Variants in ZFP69 observed in about 807,000 individuals in gnomAD.
ZFP69 encodes zinc finger protein 69 homolog.
A neutral mutation model predicts 48.9 loss-of-function variants in ZFP69; 35 were observed. The observed-to-expected ratio is 0.72, with a 90% CI of 0.55 to 0.95. ZFP69 has a LOEUF of 0.95. Ranked by LOEUF, ZFP69 falls within the 40% of genes least tolerant of loss-of-function variation. The pLI is 0.00. For missense variants in ZFP69, 557 were observed against 638.4 expected, an observed-to-expected ratio of 0.87 and a Z score of 1.37; for synonymous variants, 193 against 216.8, an observed-to-expected ratio of 0.89 and a Z score of 0.96.
chr1:40,481,716 G>T, intron 2 of ZFP69, 47 bp from the exon 3 acceptor site: 1 of 1,466,744 alleles, frequency 6.8e-7, no homozygotes. Context: ...TTCTTTATTT[G>T]GGAGATTTGG....
intron 2 of ZFP69, 112 bp from the exon 3 acceptor site, chr1:40,481,651 C>G: frequency 1.3e-6 from 1 of 757,544 alleles, no homozygotes; most frequent in Non-Finnish European, 2.1e-6. Flanking sequence ...TCTCAGTGTC[C>G]CTCTTTGTGA....
intron 5 of ZFP69, among the ~76,000 whole-genome samples, chr1:40,493,000 C>A (rs1197991957): frequency 2.0e-5 from 3 of 152,054 alleles, no homozygotes; most frequent in Non-Finnish European, 4.4e-5. Context: ...CTGAGGCGGG[C>A]AGATCACCTG....
At chr1:40,489,361 A>G (rs1570034504) in intron 4 of ZFP69, 147 bp downstream of exon 4, 1 of 1,233,588 alleles carries the variant, frequency 8.1e-7, no homozygotes, top group South Asian at 1.5e-5. Flanking sequence ...GTGAGGGCAT[A>G]TCCAATTTGA....
At position 40,483,134 on chromosome 1, in the gene ZFP69, G is replaced by A. The variant is rs548061598; in HGVS notation, c.219+1280G>A. Among the ~76,000 whole-genome samples, 49 of 152,016 alleles carry A rather than the reference G, an allele frequency of 3.2e-4. 2 individuals are homozygous for A. The South Asian group carries it at 0.01, about 32-fold the overall frequency. ...TGGAGTGGAATACCGTTTAAAAAGG[G>A]GCATGAAGGAACGTTCTGAGATGGT... On this transcript the variant is annotated intron_variant, in intron 3 of 5. Transcript: ENST00000372706.
rs1645418771 is a variant in ZFP69, at chr1:40,479,118, CA to C, written c.-241del. ...TCTAAAGAGTATGGAGACATGAACT[CA>C]AACCTAACTAACTGGCTGCCTCCCA... On this transcript the variant is annotated 5_prime_UTR_variant, in exon 2 of 6. An upstream open reading frame in the 5' UTR gains an earlier in-frame stop. Transcript: ENST00000372706. 1 of 426,474 alleles carries C rather than the reference CA, an allele frequency of 2.3e-6. No individual in the cohort carries two copies. 26.4% of individuals were successfully genotyped at this position (426,474 alleles called of 1,614,324 possible).
chr1:40,495,717 C>G lies in ZFP69; in HGVS notation c.1239C>G (p.Cys413Trp). 6.2e-7 allele frequency: 1 copy of G among 1,614,138 alleles called. No homozygotes were observed. Among genetic ancestry groups the G allele is most frequent in the South Asian group, 1.1e-5 (1 of 91,078 alleles). Residue 413 changes from cysteine to tryptophan, a missense_variant, in exon 6 of 6, where the codon TGC becomes TGG. Cys to Trp is a radical substitution (Grantham distance 215). Coordinates refer to ENST00000372706, the MANE Select transcript of ZFP69 (RefSeq NM_001320179.2). ...ATACCGGGGAGAAGCCCTATGCATG[C>G]ACTGCATGTTGTAAAACCTTTAGTC... ...RIHTGEKPYACTACCKTFSHR... is the reference protein window; with the variant it reads ...RIHTGEKPYAWTACCKTFSHR...
chr1:40,480,828 A>C (rs1253443385), intron 2 of ZFP69, among the ~76,000 whole-genome samples: 1 of 152,246 alleles, frequency 6.6e-6, no homozygotes, highest in Non-Finnish European at 1.5e-5. Context: ...AATGTGTGCA[A>C]ATTTAAATTA....
chr1:40,485,922 G>A (rs966084842), intron 3 of ZFP69, among the ~76,000 whole-genome samples: 2 of 151,916 alleles, frequency 1.3e-5, no homozygotes, highest in African/African-American at 4.8e-5. Flanking sequence ...GTTGTTTTTT[G>A]AGACGGAGTC....
intron 5 of ZFP69, among the ~76,000 whole-genome samples, chr1:40,490,614 G>A (rs1019856791): frequency 6.6e-6 from 1 of 152,192 alleles, no homozygotes; most frequent in African/African-American, 2.4e-5. Flanking sequence ...GCAGTCAAAT[G>A]TATGTGGTAT....
chr1:40,478,452 C>G (rs1340670227), intron 1 of ZFP69, among the ~76,000 whole-genome samples: 2 of 152,204 alleles, frequency 1.3e-5, no homozygotes, highest in Admixed American at 1.3e-4. Flanking sequence ...TTCCAAGGAA[C>G]TTGCCAGCTG....
intron 3 of ZFP69, among the ~76,000 whole-genome samples, chr1:40,487,880 C>T (rs537148513): frequency 6.6e-6 from 1 of 152,148 alleles, no homozygotes; most frequent in African/African-American, 2.4e-5. Context: ...AACCCGGTCT[C>T]TACTAAAAAT....
rs1160044206 is a variant in ZFP69 at position 40,489,579 on chromosome 1, G to A, written c.397G>A (p.Glu133Lys). Residue 133 changes from glutamate (E) to lysine (K), a missense_variant, in exon 5 of 6, where the codon GAG (glutamate) becomes AAG (lysine). Transcript: ENST00000372706. Reference sequence around the variant, plus strand: ...GATATCCCAGTTAGAGAAAGGAGAAGAGCCATGGATGGCAGAGAAAGAAGG... The same window carrying A: ...GATATCCCAGTTAGAGAAAGGAGAAAAGCCATGGATGGCAGAGAAAGAAGG... ...SVISQLEKGE[E>K]PWMAEKEGPG... The A allele has an allele frequency of 6.2e-7, 1 of 1,613,754 alleles. No homozygotes were observed. Among genetic ancestry groups the A allele is most frequent in the Non-Finnish European group, 8.5e-7 (1 of 1,179,924 alleles).
At chr1:40,484,738 C>T (rs186470172) in intron 3 of ZFP69, among the ~76,000 whole-genome samples, 46 of 151,090 alleles carry the variant, frequency 3.0e-4, no homozygotes, top group African/African-American at 9.7e-4. Flanking sequence ...CCACCACACC[C>T]GGCTAATTTT....
chr1:40,488,593 C>T (rs1372264723), intron 3 of ZFP69, among the ~76,000 whole-genome samples: 1 of 152,204 alleles, frequency 6.6e-6, no homozygotes, highest in East Asian at 1.9e-4. Flanking sequence ...ACCAGCCTAC[C>T]TCCAGCCATG....
intron 3 of ZFP69, among the ~76,000 whole-genome samples, chr1:40,486,895 T>C (rs1645505851): frequency 6.6e-6 from 1 of 152,110 alleles, no homozygotes; most frequent in African/African-American, 2.4e-5. Flanking sequence ...ATATTGTCTT[T>C]TTCACTTGTA....
Position 40,481,839 on chromosome 1 carries a change from G to A in ZFP69, c.204G>A (p.Pro68=), listed in dbSNP as rs199766126. Residue 68 remains proline (P), a synonymous_variant, in exon 3 of 6, where the codon CCG becomes CCA. Coordinates refer to ENST00000372706, the MANE Select transcript of ZFP69 (RefSeq NM_001320179.2). ...SLEDEVTPGL[P]TAESQELLTF... ...AGGATGAAGTGACCCCTGGACTCCC[G>A]ACAGCAGAATCCCAGGTGAGTAGGG... The A allele has an allele frequency of 1.1e-5, 18 of 1,612,278 alleles. No individual in the cohort carries two copies. The highest frequency in any genetic ancestry group is 3.3e-5 in the Admixed American group (2 of 59,936).
Position 40,495,045 on chromosome 1 carries a change from A to T in ZFP69, c.567A>T (p.Arg189Ser). Residue 189 changes from arginine (R) to serine (S), a missense_variant, in exon 6 of 6, where the codon AGA (arginine) becomes AGT (serine). Physicochemically the swap from Arg to Ser is moderately radical, Grantham distance 110. Transcript: ENST00000372706. ...ATGATATAATTTATTCCACGTTGAGAAAAGTCTCCACATATGATGATGTCT... is the reference window on the plus strand; with the variant it reads ...ATGATATAATTTATTCCACGTTGAGTAAAGTCTCCACATATGATGATGTCT... The part of the protein sequence containing the change: ...MRDDIIYSTL[R>S]KVSTYDDVLE... 1 of 1,614,082 alleles carries T rather than the reference A, an allele frequency of 6.2e-7. No homozygotes were observed.
intron 5 of ZFP69, among the ~76,000 whole-genome samples, chr1:40,494,056 T>C (rs1014861912): frequency 6.6e-6 from 1 of 152,118 alleles, no homozygotes; most frequent in Non-Finnish European, 1.5e-5. Flanking sequence ...ATAATGTTCT[T>C]GTGTGTATTC....
intron 3 of ZFP69, among the ~76,000 whole-genome samples, chr1:40,482,313 AAGG>A (rs1214893627): frequency 6.6e-5 from 10 of 152,092 alleles, no homozygotes; most frequent in Non-Finnish European, 1.2e-4. Context: ...ACCAGAACCA[AAGG>A]AGAAGTGAGT....
Sources: allele counts gnomAD v4.1 joint callset (sites outside exome capture counted in the v4.1 genomes callset), GRCh38; gene constraint gnomAD v4.1.1; transcripts MANE v1.5; gene names NCBI Gene and HGNC (gene_info 2026-07-23, HGNC 2026-07-21).